PCDH7: variants seen among roughly 807,000 people sequenced by gnomAD.
PCDH7 encodes the protein protocadherin-7.
In PCDH7, 17 loss-of-function variants were observed where a neutral mutation model predicts 58.9. The observed-to-expected ratio is 0.29, with a 90% CI of 0.20 to 0.43. The LOEUF (loss-of-function observed/expected upper bound fraction) is 0.43. Among genes scored for constraint, PCDH7 ranks in the 20% least tolerant of loss-of-function variants. The pLI, the probability that PCDH7 is intolerant of heterozygous loss-of-function variation, is 1.00. For missense variants in PCDH7, 1,274 were observed against 1,441.0 expected (o/e 0.88, Z 1.88); for synonymous variants, 664 against 616.4 (o/e 1.08, Z -1.14).
At chr4:30,877,994 A>G (rs775200453) in intron 1 of PCDH7, among the ~76,000 whole-genome samples, 5 of 152,210 alleles carry the variant, frequency 3.3e-5, no homozygotes, top group Non-Finnish European at 5.9e-5. Context: ...GAGTTTATTT[A>G]TAGATAGGCT....
intron 3 of PCDH7, among the ~76,000 whole-genome samples, chr4:31,081,761 C>T (rs1000534612): frequency 1.3e-5 from 2 of 149,578 alleles, no homozygotes; most frequent in Admixed American, 6.7e-5. Flanking sequence ...TTTAAAGGGA[C>T]TTTTTTTAAT....
At chr4:30,878,288 G>C (rs1007422448) in intron 1 of PCDH7, among the ~76,000 whole-genome samples, 5 of 152,018 alleles carry the variant, frequency 3.3e-5, no homozygotes, top group Non-Finnish European at 7.4e-5. Flanking sequence ...GTCCACTTCT[G>C]GACTGTTGGA....
chr4:31,055,258 A>G (rs1189277721), intron 3 of PCDH7, among the ~76,000 whole-genome samples: 1 of 152,110 alleles, frequency 6.6e-6, no homozygotes, highest in African/African-American at 2.4e-5. Context: ...AATAAACTAT[A>G]TTTTCAGTTT....
intron 1 of PCDH7, among the ~76,000 whole-genome samples, chr4:30,748,422 T>C (rs1287264247): frequency 6.6e-6 from 1 of 152,158 alleles, no homozygotes; most frequent in Non-Finnish European, 1.5e-5. Context: ...AAGAGCATGA[T>C]ACAGGCATTT....
chr4:30,976,176 A>G (rs1200379638), intron 3 of PCDH7, among the ~76,000 whole-genome samples: 1 of 152,076 alleles, frequency 6.6e-6, no homozygotes, highest in Admixed American at 6.5e-5. Context: ...TCTGAGACAG[A>G]GTTTCGCTCT....
At chr4:30,860,589 A>C (rs1230896456) in intron 1 of PCDH7, among the ~76,000 whole-genome samples, 1 of 152,132 alleles carries the variant, frequency 6.6e-6, no homozygotes, top group African/African-American at 2.4e-5. Context: ...GGTTCTGCTT[A>C]TCTGCCCAGG....
At chr4:30,876,792 G>C (rs901851191) in intron 1 of PCDH7, among the ~76,000 whole-genome samples, 1 of 151,726 alleles carries the variant, frequency 6.6e-6, no homozygotes, top group Non-Finnish European at 1.5e-5. Context: ...GAATGTCCAG[G>C]TTTGCTACAT....
intron 1 of PCDH7, among the ~76,000 whole-genome samples, chr4:30,804,618 C>T (rs992273164): frequency 3.8e-4 from 57 of 151,330 alleles, no homozygotes; most frequent in African/African-American, 1.3e-3. Context: ...GATGCAGAAA[C>T]AATGCACCAT....
At chr4:30,933,478 G>C (rs1025037590) in intron 2 of PCDH7, among the ~76,000 whole-genome samples, 1 of 152,018 alleles carries the variant, frequency 6.6e-6, no homozygotes, top group Non-Finnish European at 1.5e-5. Flanking sequence ...TCTAACTTAC[G>C]CTTGTTGTTA....
chr4:31,140,603 C>T (rs1320855206), intron 3 of PCDH7, among the ~76,000 whole-genome samples: 4 of 126,868 alleles, frequency 3.2e-5, no homozygotes, highest in Admixed American at 1.7e-4. Flanking sequence ...GCATTTAGGT[C>T]AGGTTAAAAA....
At chr4:30,749,412 G>A (rs1718210535) in intron 1 of PCDH7, among the ~76,000 whole-genome samples, 1 of 152,094 alleles carries the variant, frequency 6.6e-6, no homozygotes, top group Non-Finnish European at 1.5e-5. Context: ...GGGAAGAGAG[G>A]AGGAAAGATA....
chr4:30,957,606 T>G (rs1347083117), intron 3 of PCDH7, among the ~76,000 whole-genome samples: 1 of 152,088 alleles, frequency 6.6e-6, no homozygotes, highest in East Asian at 1.9e-4. Flanking sequence ...TTAAAAGGTG[T>G]TTTGGATCAT....
In PCDH7 at chr4:30,722,500, C is replaced by T. The variant is rs912950957; in HGVS notation, c.1078C>T (p.Leu360Phe). 1.7e-5 allele frequency: 27 copies of T among 1,609,738 alleles called. No individual in the cohort carries two copies. The highest frequency in any genetic ancestry group is 2.2e-5 in the Non-Finnish European group (26 of 1,178,578). ...CGAGTCGGTGAGGCGGCTGCTGCGC[C>T]TTGACGAGACGTCCGGCTGGCTCAG... Residue 360 changes from leucine (L) to phenylalanine (F), a missense_variant, in exon 1 of 2, where the codon CTT (leucine) becomes TTT (phenylalanine). Physicochemically the swap from Leu to Phe is conservative, Grantham distance 22. Around this residue, in one of 3 missense-constraint regions of PCDH7, gnomAD observed 331 missense variants for 303.2 expected, o/e 1.09. Coordinates refer to ENST00000361762, the Ensembl canonical transcript of PCDH7. The surrounding 1 kb of genome is among the most constrained non-coding windows in gnomAD (Gnocchi z 7.6).
At chr4:31,029,473 C>G (rs905689948) in intron 3 of PCDH7, among the ~76,000 whole-genome samples, 1 of 152,072 alleles carries the variant, frequency 6.6e-6, no homozygotes, top group African/African-American at 2.4e-5. Flanking sequence ...GCATGAAAAC[C>G]AGATATTTGC....
At chr4:30,924,079 C>T (rs1253125216) in intron 2 of PCDH7, among the ~76,000 whole-genome samples, 1 of 152,156 alleles carries the variant, frequency 6.6e-6, no homozygotes, top group Non-Finnish European at 1.5e-5. Flanking sequence ...TTCAGACTTT[C>T]TCTTGGAGTG....
chr4:31,073,130 G>T (rs1486676761), intron 3 of PCDH7, among the ~76,000 whole-genome samples: 2 of 152,136 alleles, frequency 1.3e-5, no homozygotes, highest in Non-Finnish European at 2.9e-5. Context: ...ATAAGTATTT[G>T]TAAATGCAAA....
At chr4:31,084,150 T>A (rs977600880) in intron 3 of PCDH7, among the ~76,000 whole-genome samples, 34 of 152,166 alleles carry the variant, frequency 2.2e-4, no homozygotes, top group Non-Finnish European at 4.3e-4. Flanking sequence ...TAACTATATT[T>A]AGAATAAATC....
rs116281463 is a variant in PCDH7 at position 30,778,374 on chromosome 4, G to T, written c.70+53778G>T. On this transcript the variant is annotated intron_variant, in intron 1 of 3. Coordinates refer to the PCDH7 transcript ENST00000509759. The stretch of plus-strand genomic sequence containing the variant: ...TGTAATCAAGCATTTTAAGACTTAT[G>T]ATCTATTTTGAAGTATAAGATTTTC... Among the ~76,000 whole-genome samples, 700 of 152,126 alleles carry T rather than the reference G, an allele frequency of 4.6e-3. 5 individuals are homozygous for T. Among genetic ancestry groups the T allele is most frequent in the African/African-American group, 0.016 (662 of 41,516 alleles).
chr4:30,800,033 A>G (rs981130651), intron 1 of PCDH7, among the ~76,000 whole-genome samples: 12 of 149,012 alleles, frequency 8.1e-5, no homozygotes, highest in African/African-American at 3.0e-4. Context: ...TTTTTTTTTT[A>G]ATTTTTAGTA....
Sources: allele counts gnomAD v4.1 joint callset (sites outside exome capture counted in the v4.1 genomes callset), GRCh38; gene constraint gnomAD v4.1.1; regional missense constraint gnomAD v4.1.1; non-coding constraint Gnocchi (gnomAD v3.1); transcripts MANE v1.5; gene names NCBI Gene and HGNC (gene_info 2026-07-23, HGNC 2026-07-21).